Variants in PTPRN2 observed in about 807,000 individuals in gnomAD.
PTPRN2 encodes the protein receptor-type tyrosine-protein phosphatase N2.
Under a neutral mutation model 118.8 loss-of-function variants are expected in PTPRN2, and 74 were observed. That is an observed-to-expected ratio of 0.62 (90% CI 0.52 to 0.76). The LOEUF is 0.76. Among genes scored for constraint, PTPRN2 ranks in the 30% least tolerant of loss-of-function variants. PTPRN2 has a pLI of 0.00. For missense variants in PTPRN2, 1,481 were observed against 1,394.4 expected, an observed-to-expected ratio of 1.06 and a Z score of -0.99; for synonymous variants, 641 against 608.0, an observed-to-expected ratio of 1.05 and a Z score of -0.80.
intron 2 of PTPRN2, among the ~76,000 whole-genome samples, chr7:158,336,570 G>C (rs1386201969): frequency 7.6e-6 from 1 of 131,734 alleles, no homozygotes; most frequent in African/African-American, 3.1e-5. Flanking sequence ...CTCACCATAA[G>C]AGTTGACACC....
At position 158,079,598 on chromosome 7, in the gene PTPRN2, C is replaced by T. The variant is rs573168127; in HGVS notation, c.1723+1700G>A. Among the ~76,000 whole-genome samples, 3 of 152,336 alleles carry T rather than the reference C, an allele frequency of 2.0e-5. No individual in the cohort carries two copies. The East Asian group carries it at 5.8e-4, about 29-fold the overall frequency. Reference sequence around the variant, plus strand: ...ATTCCAGTGGCATTGCTCCCCAGTACTGGAGAAACTGCCAATCATGGGATA... The same window carrying T: ...ATTCCAGTGGCATTGCTCCCCAGTATTGGAGAAACTGCCAATCATGGGATA... On this transcript the variant is annotated intron_variant, in intron 11 of 22. Transcript: ENST00000389418.
At chr7:158,395,750 GGTGAGGC>G (rs1448492077) in intron 2 of PTPRN2, among the ~76,000 whole-genome samples, 1 of 33,494 alleles carries the variant, frequency 3.0e-5, no homozygotes, top group Non-Finnish European at 7.2e-5. Context: ...AGGGGCGAGG[GGTGAGGC>G]GCGAGGGGCG....
chr7:157,608,341 T>A (rs1397786528), intron 15 of PTPRN2, among the ~76,000 whole-genome samples: 1 of 152,186 alleles, frequency 6.6e-6, no homozygotes, highest in African/African-American at 2.4e-5. Flanking sequence ...GTGCTGGGAT[T>A]ACAGGCATGA....
chr7:157,762,191 C>T (rs1278618231), intron 12 of PTPRN2, among the ~76,000 whole-genome samples: 1 of 152,052 alleles, frequency 6.6e-6, no homozygotes, highest in East Asian at 1.9e-4. Flanking sequence ...TGTGGCGATT[C>T]CTCAGGGATC....
intron 12 of PTPRN2, among the ~76,000 whole-genome samples, chr7:157,735,158 C>T (rs919891113): frequency 1.3e-5 from 2 of 152,330 alleles, no homozygotes; most frequent in Admixed American, 6.5e-5. Flanking sequence ...GTGTTGCTCC[C>T]GTGGTTCGGC....
At chr7:158,490,167 C>A (rs895525096) in intron 1 of PTPRN2, among the ~76,000 whole-genome samples, 13 of 152,218 alleles carry the variant, frequency 8.5e-5, no homozygotes, top group Non-Finnish European at 1.5e-4. Context: ...GCACGCACCG[C>A]GTCCCTGGAA....
intron 3 of PTPRN2, among the ~76,000 whole-genome samples, chr7:158,276,778 G>A (rs10244471): frequency 0.67 from 102,048 of 152,028 alleles, 34,601 homozygotes; most frequent in South Asian, 0.8. Flanking sequence ...TGGGAAGGAC[G>A]TCGGCCTGGG....
intron 2 of PTPRN2, among the ~76,000 whole-genome samples, chr7:158,384,623 G>A (rs888698067): frequency 6.6e-5 from 10 of 152,172 alleles, no homozygotes; most frequent in Non-Finnish European, 1.5e-4. Flanking sequence ...TGTATTACAG[G>A]AGGGATTAAG....
intron 3 of PTPRN2, among the ~76,000 whole-genome samples, chr7:158,249,830 A>G (rs376061753): frequency 1.3e-5 from 2 of 152,210 alleles, no homozygotes; most frequent in African/African-American, 4.8e-5. Context: ...ATGCATTCCC[A>G]TTTAAACTGC....
rs10230798 is a variant in PTPRN2 at position 158,499,868 on chromosome 7, T to A, written c.113-10083A>T. 2.4e-4 allele frequency among the ~76,000 whole-genome samples: 37 copies of A among 151,928 alleles called. 1 individual carries two copies. The highest frequency in any genetic ancestry group is 8.9e-4 in the African/African-American group (37 of 41,428). ...ATGTGTGTGTGTGTGTGTATAATTT[T>A]AAATTAATTATGTGGGGAAAATCAT... On this transcript the variant is annotated intron_variant, in intron 1 of 22. Coordinates refer to ENST00000389418, the MANE Select transcript of PTPRN2 (RefSeq NM_002847.5).
rs531752398 is a variant in PTPRN2, at chr7:158,323,008, G to A, written c.164-6076C>T. ...TTAGGACAACACACATCCCTCTGCC[G>A]GCAGCAGCAACCAGGCCTTTCCACA... On this transcript the variant is annotated intron_variant, in intron 2 of 22. Coordinates refer to ENST00000389418, the MANE Select transcript of PTPRN2 (RefSeq NM_002847.5). Among the ~76,000 whole-genome samples, 145 of 152,336 alleles carry A rather than the reference G, an allele frequency of 9.5e-4. 1 individual carries two copies. The highest frequency in any genetic ancestry group is 3.0e-3 in the African/African-American group (126 of 41,578).
chr7:158,464,790 C>T (rs887260106), intron 2 of PTPRN2, among the ~76,000 whole-genome samples: 1 of 152,056 alleles, frequency 6.6e-6, no homozygotes, highest in Non-Finnish European at 1.5e-5. Flanking sequence ...TCCTTACCAT[C>T]GCCATCATTG....
At chr7:158,331,896 C>T (rs1804535429) in intron 2 of PTPRN2, among the ~76,000 whole-genome samples, 2 of 150,060 alleles carry the variant, frequency 1.3e-5, no homozygotes, top group Admixed American at 1.3e-4. Flanking sequence ...CACTCACACC[C>T]ACACTCTCAC....
intron 1 of PTPRN2, among the ~76,000 whole-genome samples, chr7:158,585,786 C>G (rs1046344247): frequency 9.2e-5 from 14 of 152,226 alleles, no homozygotes; most frequent in Non-Finnish European, 1.5e-5. Flanking sequence ...ACCATAATGA[C>G]CTACCTTCCC....
chr7:157,616,443 A>C (rs564698148), intron 15 of PTPRN2: 2 of 152,240 alleles, frequency 1.3e-5, no homozygotes, highest in Middle Eastern at 3.4e-3. Context: ...CTCTTCCTAA[A>C]AAAGAATCCT....
intron 1 of PTPRN2, among the ~76,000 whole-genome samples, chr7:158,545,691 CCT>C (rs1826237100): frequency 6.6e-6 from 1 of 152,164 alleles, no homozygotes; most frequent in South Asian, 2.1e-4. Context: ...CAATCCTGTC[CCT>C]GTTTCCTTCA....
chr7:157,747,687 TTC>T (rs1311121981), intron 12 of PTPRN2, among the ~76,000 whole-genome samples: 1 of 132,700 alleles, frequency 7.5e-6, no homozygotes, highest in Non-Finnish European at 1.6e-5. Flanking sequence ...GTTGAGGTGA[TTC>T]TGAGGCCTGC....
At chr7:158,410,377 A>G (rs555753205) in intron 2 of PTPRN2, among the ~76,000 whole-genome samples, 1 of 152,310 alleles carries the variant, frequency 6.6e-6, no homozygotes, top group East Asian at 1.9e-4. Flanking sequence ...CTCATCCCCG[A>G]GTACCCAGGT....
At chr7:158,300,090 C>A (rs1254882168) in intron 3 of PTPRN2, among the ~76,000 whole-genome samples, 3 of 152,138 alleles carry the variant, frequency 2.0e-5, no homozygotes, top group African/African-American at 7.2e-5. Context: ...GATGTTTTGG[C>A]AGCAAGCAAT....
Sources: allele counts gnomAD v4.1 joint callset (sites outside exome capture counted in the v4.1 genomes callset), GRCh38; gene constraint gnomAD v4.1.1; transcripts MANE v1.5; gene names NCBI Gene and HGNC (gene_info 2026-07-23, HGNC 2026-07-21).